Variants in ANKFY1 observed in about 807,000 individuals in gnomAD.
ANKFY1 encodes ankyrin repeat and FYVE domain containing 1.
In ANKFY1, 47 loss-of-function variants were observed where a neutral mutation model predicts 128.3. The observed-to-expected ratio is 0.37, with a 90% CI of 0.29 to 0.47. The LOEUF is 0.47. Ranked by LOEUF, ANKFY1 falls within the 20% of genes least tolerant of loss-of-function variation. The pLI, the probability that ANKFY1 is intolerant of heterozygous loss-of-function variation, is 1.00. For missense variants in ANKFY1, 1,222 were observed against 1,510.6 expected (o/e 0.81, Z 3.17); for synonymous variants, 553 against 601.6 (o/e 0.92, Z 1.18).
intron 8 of ANKFY1, among the ~76,000 whole-genome samples, chr17:4,196,193 T>A (rs999362056): frequency 7.9e-6 from 1 of 126,382 alleles, no homozygotes; most frequent in African/African-American, 3.0e-5. Flanking sequence ...ACACACACAC[T>A]GCGAGTTTAT....
chr17:4,253,931 GACA>G (rs374098466), intron 1 of ANKFY1, among the ~76,000 whole-genome samples: 3 of 152,008 alleles, frequency 2.0e-5, no homozygotes, highest in African/African-American at 7.2e-5. Context: ...TACCTTATAT[GACA>G]ACAACAACAA....
chr17:4,239,699 T>C (rs1967103041), intron 2 of ANKFY1, among the ~76,000 whole-genome samples: 1 of 152,030 alleles, frequency 6.6e-6, no homozygotes, highest in Non-Finnish European at 1.5e-5. Flanking sequence ...CCACCACATG[T>C]GGCTAATTTT....
At chr17:4,193,584 G>A (rs956584125) in intron 10 of ANKFY1, among the ~76,000 whole-genome samples, 6 of 151,336 alleles carry the variant, frequency 4.0e-5, no homozygotes, top group Admixed American at 1.3e-4. Flanking sequence ...TCGCCATCAC[G>A]CCCGGCTAAT....
At position 4,169,028 on chromosome 17, in the gene ANKFY1, T is replaced by C. The variant is rs1015336056; in HGVS notation, c.3377+170A>G. The stretch of plus-strand genomic sequence containing the variant: ...AGGCTCCCTGCCTTCCCTACATCTC[T>C]GTTCCTCAGTAGGATCCTTGGGTGT... On this transcript the variant is annotated intron_variant, in intron 24 of 24. Transcript: ENST00000341657. This position sits in a 1 kb window ranked among gnomAD's most constrained non-coding sequence, Gnocchi z 5.0. 1.8e-5 allele frequency: 11 copies of C among 598,204 alleles called. No homozygotes were observed. The African/African-American group carries it at 2.0e-4, about 11-fold the overall frequency. The allele number at this position is 598,204 out of a possible 1,614,324, so 37.1% of individuals were successfully genotyped here. A position where few individuals can be genotyped will look rare whatever the true frequency, so the allele number is the denominator to read the frequency against.
chr17:4,252,986 G>A (rs1416474232), intron 1 of ANKFY1, among the ~76,000 whole-genome samples: 1 of 152,124 alleles, frequency 6.6e-6, no homozygotes, highest in African/African-American at 2.4e-5. Flanking sequence ...TTTCATAGTA[G>A]GCAAACCAGG....
chr17:4,205,964 T>C (rs2060015610), intron 7 of ANKFY1, among the ~76,000 whole-genome samples: 1 of 152,254 alleles, frequency 6.6e-6, no homozygotes, highest in African/African-American at 2.4e-5. Context: ...TATCCTTGTA[T>C]CTGTGGTAGA....
rs77165567 is a variant in ANKFY1, at chr17:4,250,131, G to A, written c.11-7683C>T. Among the ~76,000 whole-genome samples the A allele has an allele frequency of 3.4e-3, 511 of 152,234 alleles. 3 individuals are homozygous for A. The highest frequency in any genetic ancestry group is 0.021 in the South Asian group (103 of 4,824). ...CCACTTTCTAAAACGGCACAGTGCT[G>A]CAAGGTGCAGACCTACATCTGAACT... On this transcript the variant is annotated intron_variant, in intron 1 of 24. Coordinates refer to ENST00000341657, the MANE Select transcript of ANKFY1 (RefSeq NM_001330063.2).
At chr17:4,253,335 C>A (rs1270198026) in intron 1 of ANKFY1, among the ~76,000 whole-genome samples, 1 of 152,134 alleles carries the variant, frequency 6.6e-6, no homozygotes, top group East Asian at 1.9e-4. Flanking sequence ...GTCAAGGGAA[C>A]TTTTTACGGT....
At chr17:4,192,640 G>A (rs187476359) in intron 10 of ANKFY1, among the ~76,000 whole-genome samples, 2 of 152,270 alleles carry the variant, frequency 1.3e-5, no homozygotes, top group South Asian at 2.1e-4. Context: ...TGGAGACTCC[G>A]AATTCCATGT....
At chr17:4,184,511 T>C (rs1171611237) in intron 12 of ANKFY1, among the ~76,000 whole-genome samples, 2 of 152,160 alleles carry the variant, frequency 1.3e-5, no homozygotes, top group Non-Finnish European at 2.9e-5. Flanking sequence ...AAGACAGTGC[T>C]CACACCGAGG....
chr17:4,204,297 G>A (rs577258821), intron 7 of ANKFY1, among the ~76,000 whole-genome samples: 5 of 152,214 alleles, frequency 3.3e-5, no homozygotes, highest in South Asian at 2.1e-4. Context: ...ACATTGCCTC[G>A]CATTCTCTGA....
intron 7 of ANKFY1, among the ~76,000 whole-genome samples, chr17:4,203,176 A>G (rs1175093934): frequency 6.6e-6 from 1 of 152,322 alleles, no homozygotes; most frequent in East Asian, 1.9e-4. Context: ...GTTTCTGTCA[A>G]TAAGAAAATG....
At chr17:4,248,239 C>A in intron 1 of ANKFY1, among the ~76,000 whole-genome samples, 1 of 148,944 alleles carries the variant, frequency 6.7e-6, no homozygotes, top group East Asian at 1.9e-4. Flanking sequence ...GAGCTGCGGG[C>A]GAGTCAGCAT....
chr17:4,208,210 A>G, intron 5 of ANKFY1, 128 bp from the exon 6 acceptor site: 1 of 827,086 alleles, frequency 1.2e-6, no homozygotes, highest in Non-Finnish European at 1.8e-6. Context: ...CAACTCATTT[A>G]TTTCTCCCCA....
chr17:4,211,974 G>T (rs1445778067), intron 4 of ANKFY1, among the ~76,000 whole-genome samples: 2 of 152,148 alleles, frequency 1.3e-5, no homozygotes, highest in Admixed American at 6.5e-5. Context: ...AGGCAAATAG[G>T]TCTCTGGTAG....
At chr17:4,189,623 G>T in intron 10 of ANKFY1, 144 bp from the exon 11 acceptor site, 1 of 717,360 alleles carries the variant, frequency 1.4e-6, no homozygotes, top group South Asian at 1.8e-5. Flanking sequence ...GCCCACGCCA[G>T]ACAGTAGGCC....
chr17:4,169,058 A>C lies in ANKFY1; in HGVS notation c.3377+140T>G. 2 of 730,082 alleles carry C rather than the reference A, an allele frequency of 2.7e-6. No individual in the cohort carries two copies. Among genetic ancestry groups the C allele is most frequent in the Non-Finnish European group, 4.7e-6 (2 of 428,306 alleles). 45.2% of individuals were successfully genotyped at this position (730,082 alleles called of 1,614,324 possible). On this transcript the variant is annotated intron_variant, in intron 24 of 24. Transcript: ENST00000341657. This position sits in a 1 kb window ranked among gnomAD's most constrained non-coding sequence, Gnocchi z 5.0. ...CTCAGTAGGATCCTTGGGTGTGCTC[A>C]TCTCATCCCTCCATTTGGTCAAGGT... is the stretch of plus-strand genomic sequence containing the variant.
intron 1 of ANKFY1, among the ~76,000 whole-genome samples, chr17:4,246,107 G>A (rs1303690632): frequency 6.6e-6 from 1 of 152,020 alleles, no homozygotes; most frequent in Non-Finnish European, 1.5e-5. Context: ...AGAGAAGACA[G>A]GCAATTAAGC....
rs779476378 is a variant in ANKFY1, at chr17:4,181,314, G to A, written c.2180C>T (p.Thr727Met). The change falls in exon 16 of 25, where the codon ACG becomes ATG. Residue 727 changes from threonine to methionine, a missense_variant. By Grantham distance (81) the Thr-to-Met change is moderately conservative (BLOSUM62 -1). Coordinates refer to ENST00000341657, the MANE Select transcript of ANKFY1 (RefSeq NM_001330063.2). The surrounding 1 kb of genome is among the most constrained non-coding windows in gnomAD (Gnocchi z 4.9). ...WGPGPGGCLQ[T>M]LLHRAIDENN... The stretch of plus-strand genomic sequence containing the variant: ...TTCATCAATGGCTCTGTGCAGGAGC[G>A]TCTGAAGGCACCCACCAGGTCCCGG... The A allele has an allele frequency of 1.1e-5, 17 of 1,614,070 alleles. No homozygotes were observed. Among genetic ancestry groups the A allele is most frequent in the Admixed American group, 3.3e-5 (2 of 60,012 alleles).
Sources: gnomAD v4.1 joint callset for allele counts (sites outside exome capture counted in the v4.1 genomes callset) on GRCh38, gnomAD v4.1.1 for gene constraint, Gnocchi (gnomAD v3.1) non-coding constraint, MANE v1.5 for transcripts, NCBI Gene and HGNC (gene_info 2026-07-23, HGNC 2026-07-21) for gene names.